The following PRCP variants were observed in gnomAD, a reference collection of about 807,000 sequenced individuals.
PRCP encodes prolylcarboxypeptidase.
A neutral mutation model predicts 54.2 loss-of-function variants in PRCP; 46 were observed. The observed-to-expected ratio is 0.85, with a 90% CI of 0.67 to 1.09. The LOEUF is 1.09. Ranked by LOEUF, PRCP falls within the 50% of genes least tolerant of loss-of-function variation. The pLI, the probability that PRCP is intolerant of heterozygous loss-of-function variation, is 0.00. For missense variants in PRCP, 613 were observed against 596.8 expected (o/e 1.03, Z -0.28); for synonymous variants, 240 against 212.2 (o/e 1.13, Z -1.14).
At position 82,850,345 on chromosome 11, in the gene PRCP, T is replaced by G; in HGVS notation, c.572A>C (p.Lys191Thr). 1 of 1,578,016 alleles carries G rather than the reference T, an allele frequency of 6.3e-7. No homozygotes were observed. ...TTACCCAACTACCATATGAGGATAT[T>G]TCATCCTAAACCAGGCGGCAAGCAT... The part of the protein sequence containing the change: ...GGMLAAWFRM[K>T]YPHMVVGALA... The change falls in exon 4 of 9, where the codon AAA becomes ACA. Residue 191 changes from lysine (K) to threonine (T), a missense_variant. By Grantham distance (78) the Lys-to-Thr change is moderately conservative (BLOSUM62 -1). Transcript: ENST00000313010.
intron 1 of PRCP, among the ~76,000 whole-genome samples, chr11:82,878,879 G>A (rs79883300): frequency 6.6e-6 from 1 of 152,216 alleles, no homozygotes; most frequent in Middle Eastern, 3.4e-3. Context: ...CCCCACTCTT[G>A]TAGAGTTTCT....
chr11:82,878,418 C>T (rs1859658296), intron 1 of PRCP, among the ~76,000 whole-genome samples: 1 of 152,150 alleles, frequency 6.6e-6, no homozygotes, highest in Admixed American at 6.5e-5. Flanking sequence ...CAAATCTCAA[C>T]TTGAATTGTA....
chr11:82,892,701 G>T (rs1294617551), intron 1 of PRCP, among the ~76,000 whole-genome samples: 1 of 152,196 alleles, frequency 6.6e-6, no homozygotes, highest in Non-Finnish European at 1.5e-5. Flanking sequence ...CTATTATAAT[G>T]ATGACAAGTT....
chr11:82,859,878 G>A, intron 2 of PRCP, 99 bp downstream of exon 2: 4 of 1,193,582 alleles, frequency 3.4e-6, no homozygotes, highest in Middle Eastern at 5.1e-4. Flanking sequence ...TTACAATTAA[G>A]AACAGCAATG....
intron 2 of PRCP, among the ~76,000 whole-genome samples, chr11:82,857,653 T>G (rs774881466): frequency 1.2e-4 from 19 of 152,376 alleles, no homozygotes; most frequent in Middle Eastern, 3.4e-3. Flanking sequence ...ATTGTTGCTT[T>G]TTAGTGAGTT....
rs1012361605 is a variant in PRCP at position 82,824,589 on chromosome 11, G to A, written c.*317C>T. The A allele has an allele frequency of 5.2e-5, 16 of 306,508 alleles. No homozygotes were observed. Among genetic ancestry groups the A allele is most frequent in the Non-Finnish European group, 8.6e-5 (14 of 162,216 alleles). The allele number at this position is 306,508 out of a possible 1,614,324, so 19.0% of individuals were successfully genotyped here. A position where few individuals can be genotyped will look rare whatever the true frequency, so the allele number is the denominator to read the frequency against. The stretch of plus-strand genomic sequence containing the variant: ...CAAAACCAAAGAGAAATCTCTGCTT[G>A]CAGAGATACAAAGAAAGTAACTCTC... On this transcript the variant is annotated 3_prime_UTR_variant, in exon 9 of 9. Coordinates refer to ENST00000313010, the MANE Select transcript of PRCP (RefSeq NM_005040.4).
intron 8 of PRCP, chr11:82,826,584 G>A (rs1858240585): frequency 6.6e-6 from 1 of 152,138 alleles, no homozygotes; most frequent in Non-Finnish European, 1.5e-5. Context: ...CAACATTTGA[G>A]GGTTCCACTT....
At position 82,838,578 on chromosome 11, in the gene PRCP, A is replaced by G; in HGVS notation, c.1087-4T>C. The stretch of plus-strand genomic sequence containing the variant: ...GCATGACTACTTCTGTGCAGGCCTA[A>G]GAAGCAAACCAAGAGAGAATCCAAT... On this transcript the variant is annotated splice_region_variant and splice_polypyrimidine_tract_variant and intron_variant, in intron 7 of 8. Transcript: ENST00000313010. The G allele has an allele frequency of 6.2e-7, 1 of 1,606,046 alleles. No individual in the cohort carries two copies. Among genetic ancestry groups the G allele is most frequent in the Non-Finnish European group, 8.5e-7 (1 of 1,177,256 alleles).
At chr11:82,885,360 T>C (rs1390250310) in intron 1 of PRCP, among the ~76,000 whole-genome samples, 1 of 152,214 alleles carries the variant, frequency 6.6e-6, no homozygotes, top group Non-Finnish European at 1.5e-5. Flanking sequence ...GTGACATCAC[T>C]TTCATTGTTC....
intron 7 of PRCP, 32 bp from the exon 8 acceptor site, chr11:82,838,606 G>C: frequency 6.3e-7 from 1 of 1,575,800 alleles, no homozygotes; most frequent in Non-Finnish European, 8.6e-7. Context: ...AATCCAATTA[G>C]AAAAATGAGG....
chr11:82,892,651 T>C (rs2121276587), intron 1 of PRCP, among the ~76,000 whole-genome samples: 1 of 152,332 alleles, frequency 6.6e-6, no homozygotes, highest in African/African-American at 2.4e-5. Context: ...AGTTCCTTTT[T>C]ATCATGTGCT....
intron 1 of PRCP, among the ~76,000 whole-genome samples, chr11:82,870,580 G>C (rs998353055): frequency 3.3e-5 from 5 of 152,180 alleles, no homozygotes; most frequent in African/African-American, 1.2e-4. Context: ...AGTCAATGAA[G>C]TAAAGGGACA....
At chr11:82,839,202 TACAGCACAA>T in intron 7 of PRCP, 50 bp downstream of exon 7, 1 of 1,539,878 alleles carries the variant, frequency 6.5e-7, no homozygotes. Context: ...GATTTTTTTT[TACAGCACAA>T]CTGTGTCAGT....
At chr11:82,847,361 C>T (rs1419744043) in intron 6 of PRCP, among the ~76,000 whole-genome samples, 1 of 152,146 alleles carries the variant, frequency 6.6e-6, no homozygotes, top group Admixed American at 6.5e-5. Flanking sequence ...CAGTGAAGAC[C>T]CAAGTTCAAA....
At chr11:82,884,139 C>T (rs1441861877) in intron 1 of PRCP, among the ~76,000 whole-genome samples, 1 of 152,196 alleles carries the variant, frequency 6.6e-6, no homozygotes, top group East Asian at 1.9e-4. Context: ...CAAGTACTTC[C>T]TTACTTTCCT....
chr11:82,896,678 CAAAAAAAAA>C (rs68047129), intron 1 of PRCP, among the ~76,000 whole-genome samples: 9 of 55,676 alleles, frequency 1.6e-4, no homozygotes, highest in Non-Finnish European at 2.2e-4. Context: ...GACTCCAACT[CAAAAAAAAA>C]AAAAAAAAAA....
intron 1 of PRCP, among the ~76,000 whole-genome samples, chr11:82,896,678 C>CA (rs68047129): frequency 0.026 from 1,460 of 55,332 alleles, 31 homozygotes; most frequent in Non-Finnish European, 0.033. Flanking sequence ...GACTCCAACT[C>CA]AAAAAAAAAA....
chr11:82,882,456 C>T (rs1160262623), intron 1 of PRCP, among the ~76,000 whole-genome samples: 1 of 151,560 alleles, frequency 6.6e-6, no homozygotes, highest in Non-Finnish European at 1.5e-5. Flanking sequence ...TGTAGGCACT[C>T]ACTACCTGGG....
At position 82,898,543 on chromosome 11, in the gene PRCP, A is replaced by G. The variant is rs1860171103; in HGVS notation, c.168+1692T>C. ...AAATAGTTGTATATAAAATCCCAGC[A>G]TATAAAACAGGTAAAAGCTGAAAGA... is the stretch of plus-strand genomic sequence containing the variant. On this transcript the variant is annotated intron_variant, in intron 1 of 8. Coordinates refer to ENST00000313010, the MANE Select transcript of PRCP (RefSeq NM_005040.4). 2.6e-5 allele frequency among the ~76,000 whole-genome samples: 4 copies of G among 152,310 alleles called. 1 individual carries two copies. The South Asian group carries it at 8.3e-4, about 32-fold the overall frequency.
Sources: gnomAD v4.1 joint callset for allele counts (sites outside exome capture counted in the v4.1 genomes callset) on GRCh38, gnomAD v4.1.1 for gene constraint, MANE v1.5 for transcripts, NCBI Gene and HGNC (gene_info 2026-07-23, HGNC 2026-07-21) for gene names.